FBXL7: variants seen among roughly 807,000 people sequenced by gnomAD.
FBXL7 encodes F-box and leucine rich repeat protein 7.
FBXL7 carries 12 observed loss-of-function variants against 38.3 expected under a neutral mutation model. The observed-to-expected ratio is 0.31, with a 90% CI of 0.20 to 0.51. FBXL7 has a LOEUF of 0.51. Among genes scored for constraint, FBXL7 ranks in the 20% least tolerant of loss-of-function variants. The pLI is 0.98. For synonymous variants in FBXL7, 297 were observed against 300.9 expected (o/e 0.99, Z 0.13); for missense variants, 567 against 676.4 (o/e 0.84, Z 1.79).
rs557680640 is a variant in FBXL7 at position 15,848,679 on chromosome 5, C to T, written c.128-79211C>T. Among the ~76,000 whole-genome samples, 6 of 152,232 alleles carry T rather than the reference C, an allele frequency of 3.9e-5. No individual in the cohort carries two copies. The East Asian group carries it at 7.7e-4, about 20-fold the overall frequency. On this transcript the variant is annotated intron_variant, in intron 2 of 3. Transcript: ENST00000504595. ...ACAAGCGTGAGCCACCATCCCCGGC[C>T]GCATGTTTAATGGAATCATTTAACT...
intron 2 of FBXL7, among the ~76,000 whole-genome samples, chr5:15,738,644 G>A (rs1220009432): frequency 1.3e-5 from 2 of 152,174 alleles, no homozygotes; most frequent in East Asian, 1.9e-4. Context: ...AAAGAGCAAA[G>A]CGAACACCCA....
intron 2 of FBXL7, among the ~76,000 whole-genome samples, chr5:15,811,887 T>C (rs1004283235): frequency 2.6e-5 from 4 of 152,114 alleles, no homozygotes; most frequent in African/African-American, 9.7e-5. Flanking sequence ...ACACTGTTGG[T>C]GGGAGTGTAA....
intron 2 of FBXL7, among the ~76,000 whole-genome samples, chr5:15,921,129 C>T (rs932472805): frequency 6.6e-6 from 1 of 152,142 alleles, no homozygotes; most frequent in African/African-American, 2.4e-5. Flanking sequence ...CGCCTGTAAT[C>T]TCAGCAATTT....
rs1740416872 is a variant in FBXL7 at position 15,615,539 on chromosome 5, T to C, written c.38-444T>C. ...TTAAAGCAGGGAATTCATTTTTTGA[T>C]GTGACGCAGCTATTTGGAGTTAGCG... On this transcript the variant is annotated intron_variant, in intron 1 of 3. Transcript: ENST00000504595. 2.0e-5 allele frequency among the ~76,000 whole-genome samples: 3 copies of C among 152,250 alleles called. No individual in the cohort carries two copies. In the South Asian group the frequency reaches 6.2e-4, roughly 32 times the overall value.
intron 2 of FBXL7, among the ~76,000 whole-genome samples, chr5:15,882,916 G>T (rs1579565455): frequency 6.6e-6 from 1 of 151,664 alleles, no homozygotes; most frequent in Admixed American, 6.6e-5. Flanking sequence ...TTTTTTCATT[G>T]CAGGGATTAT....
At position 15,545,775 on chromosome 5, in the gene FBXL7, T is replaced by C. The variant is rs113186116; in HGVS notation, c.37+45062T>C. Among the ~76,000 whole-genome samples, 1,430 of 152,228 alleles carry C rather than the reference T, an allele frequency of 9.4e-3. 23 individuals are homozygous for C. Among genetic ancestry groups the C allele is most frequent in the African/African-American group, 0.033 (1,366 of 41,520 alleles). On this transcript the variant is annotated intron_variant, in intron 1 of 3. Transcript: ENST00000504595. ...GGAATTAGCTAATTGTGCAACAGAG[T>C]GTTTGGTTATCAAGTTAATGGCAAT...
intron 1 of FBXL7, among the ~76,000 whole-genome samples, chr5:15,545,032 C>T (rs774603445): frequency 6.6e-6 from 1 of 152,214 alleles, no homozygotes; most frequent in Non-Finnish European, 1.5e-5. Flanking sequence ...CCAGATTCTG[C>T]ACTTTCTTTA....
chr5:15,698,901 C>G (rs1743432117), intron 2 of FBXL7, among the ~76,000 whole-genome samples: 1 of 152,214 alleles, frequency 6.6e-6, no homozygotes, highest in Non-Finnish European at 1.5e-5. Flanking sequence ...CTAGACATCT[C>G]TTAGCTATGC....
intron 1 of FBXL7, among the ~76,000 whole-genome samples, chr5:15,538,819 G>A (rs1351405826): frequency 6.6e-6 from 1 of 152,166 alleles, no homozygotes; most frequent in East Asian, 1.9e-4. Context: ...CAAAACGTGG[G>A]AGAAATCAGT....
chr5:15,924,336 C>T (rs573755880), intron 2 of FBXL7, among the ~76,000 whole-genome samples: 1 of 152,304 alleles, frequency 6.6e-6, no homozygotes, highest in East Asian at 1.9e-4. Flanking sequence ...GTTTGTTGTG[C>T]ACCTACTATA....
intron 2 of FBXL7, among the ~76,000 whole-genome samples, chr5:15,837,292 T>A (rs1043626993): frequency 6.6e-6 from 1 of 152,234 alleles, no homozygotes; most frequent in Non-Finnish European, 1.5e-5. Context: ...TTTTAATTGA[T>A]CTTTAACTGC....
At chr5:15,681,984 G>T (rs1742858405) in intron 2 of FBXL7, among the ~76,000 whole-genome samples, 1 of 152,146 alleles carries the variant, frequency 6.6e-6, no homozygotes, top group Non-Finnish European at 1.5e-5. Context: ...TCATTCACCA[G>T]GATAATTCAG....
At chr5:15,759,166 G>A (rs187439592) in intron 2 of FBXL7, among the ~76,000 whole-genome samples, 21 of 152,120 alleles carry the variant, frequency 1.4e-4, no homozygotes, top group African/African-American at 4.3e-4. Flanking sequence ...TCATTCCTTC[G>A]GCTTTTCCTA....
chr5:15,548,860 G>A (rs964099294), intron 1 of FBXL7, among the ~76,000 whole-genome samples: 2 of 152,218 alleles, frequency 1.3e-5, no homozygotes, highest in South Asian at 2.1e-4. Flanking sequence ...GATAACAGAG[G>A]AAACAGGATA....
At chr5:15,629,434 A>G (rs1740928489) in intron 2 of FBXL7, among the ~76,000 whole-genome samples, 1 of 152,156 alleles carries the variant, frequency 6.6e-6, no homozygotes, top group Non-Finnish European at 1.5e-5. Flanking sequence ...TGGGTACCAT[A>G]AATTATTATA....
intron 2 of FBXL7, among the ~76,000 whole-genome samples, chr5:15,856,511 C>A (rs1326526388): frequency 6.6e-6 from 1 of 151,598 alleles, no homozygotes; most frequent in Non-Finnish European, 1.5e-5. Context: ...CCAAGTTTAC[C>A]TATATAACAA....
chr5:15,718,192 AGG>A (rs1401702732), intron 2 of FBXL7, among the ~76,000 whole-genome samples: 1 of 152,128 alleles, frequency 6.6e-6, no homozygotes, highest in Non-Finnish European at 1.5e-5. Flanking sequence ...AAATGAGGAG[AGG>A]GAGAGAGAGA....
At chr5:15,859,139 G>C (rs1419207162) in intron 2 of FBXL7, among the ~76,000 whole-genome samples, 1 of 152,176 alleles carries the variant, frequency 6.6e-6, no homozygotes, top group Non-Finnish European at 1.5e-5. Flanking sequence ...GATTCAAGGA[G>C]GTGATGGGTG....
At chr5:15,892,370 T>C (rs990608534) in intron 2 of FBXL7, among the ~76,000 whole-genome samples, 1 of 151,838 alleles carries the variant, frequency 6.6e-6, no homozygotes, top group Non-Finnish European at 1.5e-5. Flanking sequence ...AAGAGGTGAG[T>C]TGAAGATGTT....
Sources: allele counts gnomAD v4.1 joint callset (sites outside exome capture counted in the v4.1 genomes callset), GRCh38; gene constraint gnomAD v4.1.1; transcripts MANE v1.5; gene names NCBI Gene and HGNC (gene_info 2026-07-23, HGNC 2026-07-21).